Variants in SCAF4 observed in about 807,000 individuals in gnomAD.
SCAF4 encodes the protein SR-related and CTD-associated factor 4.
Under a neutral mutation model 129.8 loss-of-function variants are expected in SCAF4, and 25 were observed. The observed-to-expected ratio is 0.19, with a 90% CI of 0.14 to 0.27. SCAF4 has a LOEUF of 0.27. SCAF4 is among the 10% of genes least tolerant of loss of function. The pLI, the probability that SCAF4 is intolerant of heterozygous loss-of-function variation, is 1.00. For synonymous variants in SCAF4, 551 were observed against 497.7 expected (o/e 1.11, Z -1.43); for missense variants, 1,246 against 1,457.1 (o/e 0.86, Z 2.36).
intron 1 of SCAF4, among the ~76,000 whole-genome samples, chr21:31,718,635 A>G (rs948810553): frequency 6.6e-6 from 1 of 152,202 alleles, no homozygotes; most frequent in Admixed American, 6.5e-5. Flanking sequence ...AAGATGCTCT[A>G]CCATTTTCCT....
chr21:31,692,286 A>G (rs1224889606), intron 13 of SCAF4, 63 bp downstream of exon 13: 1 of 1,322,350 alleles, frequency 7.6e-7, no homozygotes, highest in Admixed American at 1.7e-5. Flanking sequence ...CAGGTCCTCC[A>G]TTTCATAAAA....
chr21:31,671,459 C>T lies in SCAF4; in HGVS notation c.3384G>A (p.Glu1128=). The T allele has an allele frequency of 6.2e-7, 1 of 1,614,152 alleles. No homozygotes were observed. The highest frequency in any genetic ancestry group is 1.1e-5 in the South Asian group (1 of 91,088). Residue 1128 remains glutamate (E), a synonymous_variant, in exon 20 of 20, where the codon GAG becomes GAA. Coordinates refer to ENST00000286835, the MANE Select transcript of SCAF4 (RefSeq NM_020706.2). ...VLKPSEELPA[E]ATSSVEPEKD... Reference sequence around the variant, plus strand: ...TTTCGGGTTCAACGGATGAGGTAGCCTCAGCAGGTAACTCTTCAGAAGGCT... The same window carrying T: ...TTTCGGGTTCAACGGATGAGGTAGCTTCAGCAGGTAACTCTTCAGAAGGCT...
At chr21:31,686,878 G>C (rs2050139286) in intron 16 of SCAF4, among the ~76,000 whole-genome samples, 1 of 152,182 alleles carries the variant, frequency 6.6e-6, no homozygotes. Context: ...TTCCACTCCA[G>C]TCCATGGAAA....
intron 1 of SCAF4, among the ~76,000 whole-genome samples, chr21:31,724,751 T>G (rs1295712442): frequency 6.6e-6 from 1 of 152,176 alleles, no homozygotes; most frequent in African/African-American, 2.4e-5. Context: ...CTACCAATTG[T>G]GTCATCTCTC....
At chr21:31,725,418 C>G (rs949351262) in intron 1 of SCAF4, among the ~76,000 whole-genome samples, 1 of 152,192 alleles carries the variant, frequency 6.6e-6, no homozygotes, top group African/African-American at 2.4e-5. Context: ...TCAACTCTTC[C>G]TTCAGAATAA....
intron 1 of SCAF4, among the ~76,000 whole-genome samples, chr21:31,725,745 T>C (rs1028227988): frequency 5.3e-5 from 8 of 152,190 alleles, no homozygotes; most frequent in African/African-American, 4.8e-5. Context: ...TTCCAGAGGC[T>C]ACCTGATGTG....
At chr21:31,718,262 T>C (rs2050988180) in intron 1 of SCAF4, among the ~76,000 whole-genome samples, 1 of 151,126 alleles carries the variant, frequency 6.6e-6, no homozygotes, top group Non-Finnish European at 1.5e-5. Flanking sequence ...TTTTTCAACA[T>C]CTCTTCATTA....
rs539671151 is a variant in SCAF4, at chr21:31,705,931, G to A, written c.114+343C>T. ...TTAAAAAACTGCTTTGAGGCTGGGCGTGGTGGCGCACACCTGTAATCTCAG... is the reference window on the plus strand; with the variant it reads ...TTAAAAAACTGCTTTGAGGCTGGGCATGGTGGCGCACACCTGTAATCTCAG... On this transcript the variant is annotated intron_variant, in intron 2 of 19. Coordinates refer to ENST00000286835, the MANE Select transcript of SCAF4 (RefSeq NM_020706.2). 2.8e-3 allele frequency among the ~76,000 whole-genome samples: 420 copies of A among 152,306 alleles called. 1 individual carries two copies. The highest frequency in any genetic ancestry group is 9.4e-3 in the African/African-American group (389 of 41,574).
intron 1 of SCAF4, among the ~76,000 whole-genome samples, chr21:31,716,822 T>C (rs937500781): frequency 4.6e-5 from 7 of 152,098 alleles, no homozygotes; most frequent in African/African-American, 1.7e-4. Flanking sequence ...GGTAATATAA[T>C]GGGGCGAGGA....
Position 31,702,348 on chromosome 21 carries a change from T to C in SCAF4, c.353A>G (p.Gln118Arg). The C allele has an allele frequency of 6.2e-7, 1 of 1,614,114 alleles. No homozygotes were observed. The highest frequency in any genetic ancestry group is 8.5e-7 in the Non-Finnish European group (1 of 1,179,958). Residue 118 changes from glutamine (Q) to arginine (R), a missense_variant, in exon 5 of 20, where the codon CAA becomes CGA. By Grantham distance (43) the Gln-to-Arg change is conservative (BLOSUM62 1). Transcript: ENST00000286835. The part of the protein sequence containing the change: ...SKIVRVLNLW[Q>R]KNGVFKIEII... ...TTCAATTTTGAACACTCCATTTTTT[T>C]GCCAAAGGTTCAGCACACGAACTAT...
At chr21:31,716,745 T>G (rs1019037772) in intron 1 of SCAF4, among the ~76,000 whole-genome samples, 1 of 152,184 alleles carries the variant, frequency 6.6e-6, no homozygotes, top group Non-Finnish European at 1.5e-5. Context: ...TAACCTGGTA[T>G]TTCATCTTAT....
rs376797508 is a variant in SCAF4 at position 31,694,177 on chromosome 21, T to A, written c.1322+27A>T. The A allele has an allele frequency of 2.0e-4, 267 of 1,350,696 alleles. 2 individuals are homozygous for A. The highest frequency in any genetic ancestry group is 1.8e-4 in the Middle Eastern group (1 of 5,532). 83.7% of individuals were successfully genotyped at this position (1,350,696 alleles called of 1,614,324 possible). ...TCTATGTCCCCTAAGATATACAGGG[T>A]TGGAAAAAACATTTTCTATAAATTA... is the stretch of plus-strand genomic sequence containing the variant. On this transcript the variant is annotated intron_variant, in intron 11 of 19. Coordinates refer to ENST00000286835, the MANE Select transcript of SCAF4 (RefSeq NM_020706.2).
At chr21:31,676,220 C>T (rs532265625) in intron 19 of SCAF4, among the ~76,000 whole-genome samples, 1 of 152,272 alleles carries the variant, frequency 6.6e-6, no homozygotes, top group Admixed American at 6.5e-5. Context: ...ACCAGAGCCA[C>T]CATCTCTAGG....
In SCAF4 at chr21:31,671,669, G is replaced by A. The variant is rs73903115; in HGVS notation, c.3174C>T (p.Asp1058=). 6.2e-6 allele frequency: 10 copies of A among 1,613,546 alleles called. No individual in the cohort carries two copies. Among genetic ancestry groups the A allele is most frequent in the Non-Finnish European group, 8.5e-6 (10 of 1,179,802 alleles). The change falls in exon 20 of 20, where the codon GAC becomes GAT. Residue 1058 remains aspartate (D), a synonymous_variant. Coordinates refer to ENST00000286835, the MANE Select transcript of SCAF4 (RefSeq NM_020706.2). ...CTCTATCTCTAGAATCTCTCTCTCTGTCTCGATGCCCACTAGAGCGTCTAT... is the reference window on the plus strand; with the variant it reads ...CTCTATCTCTAGAATCTCTCTCTCTATCTCGATGCCCACTAGAGCGTCTAT... ...ERNRRSSGHR[D]RERDSRDRES...
chr21:31,729,720 T>C (rs947952507), intron 1 of SCAF4, among the ~76,000 whole-genome samples: 1 of 152,220 alleles, frequency 6.6e-6, no homozygotes, highest in Non-Finnish European at 1.5e-5. Context: ...TTGCAGTTCA[T>C]AAAGACTAGG....
At chr21:31,698,439 T>C (rs1328214133) in intron 7 of SCAF4, among the ~76,000 whole-genome samples, 1 of 152,172 alleles carries the variant, frequency 6.6e-6, no homozygotes, top group East Asian at 1.9e-4. Flanking sequence ...TCAAAGGAAT[T>C]CTATACACTG....
At chr21:31,708,453 AC>A (rs1416729420) in intron 1 of SCAF4, among the ~76,000 whole-genome samples, 1 of 152,154 alleles carries the variant, frequency 6.6e-6, no homozygotes, top group African/African-American at 2.4e-5. Context: ...CCAGTAAGAA[AC>A]AATTTAACAT....
chr21:31,682,942 CCT>C, intron 19 of SCAF4, among the ~76,000 whole-genome samples: 1 of 152,270 alleles, frequency 6.6e-6, no homozygotes, highest in East Asian at 1.9e-4. Flanking sequence ...GGTCAAAATT[CCT>C]GTGATATTCT....
chr21:31,701,595 T>C (rs1388834720), intron 6 of SCAF4, among the ~76,000 whole-genome samples, 181 bp downstream of exon 6: 1 of 152,256 alleles, frequency 6.6e-6, no homozygotes, highest in Non-Finnish European at 1.5e-5. Flanking sequence ...TGTTGTTCCC[T>C]TGTTTATCAC....
Sources: gnomAD v4.1 joint callset for allele counts (sites outside exome capture counted in the v4.1 genomes callset) on GRCh38, gnomAD v4.1.1 for gene constraint, MANE v1.5 for transcripts, NCBI Gene and HGNC (gene_info 2026-07-23, HGNC 2026-07-21) for gene names.